The following PRKD1 variants were observed in gnomAD, a reference collection of about 807,000 sequenced individuals.
PRKD1 encodes the protein protein kinase D1.
In PRKD1, 63 loss-of-function variants were observed where a neutral mutation model predicts 95.9. That is an observed-to-expected ratio of 0.66 (90% confidence interval 0.54 to 0.81). PRKD1 has a LOEUF of 0.81. Among genes scored for constraint, PRKD1 ranks in the 30% least tolerant of loss-of-function variants. PRKD1 has a pLI of 0.00. For synonymous variants in PRKD1, 425 were observed against 423.1 expected (o/e 1.00, Z -0.05); for missense variants, 1,048 against 1,165.3 (o/e 0.90, Z 1.47).
intron 2 of PRKD1, among the ~76,000 whole-genome samples, chr14:29,703,419 G>T (rs1458108690): frequency 6.6e-6 from 1 of 152,122 alleles, no homozygotes; most frequent in Non-Finnish European, 1.5e-5. Context: ...ATACTCCACT[G>T]GGTTTTGGGA....
intron 13 of PRKD1, among the ~76,000 whole-genome samples, chr14:29,622,535 C>CG (rs555705230): frequency 1.3e-3 from 201 of 151,712 alleles, no homozygotes; most frequent in African/African-American, 4.6e-3. Context: ...TCAGAGTAGC[C>CG]GGGACTACAG....
At position 29,621,081 on chromosome 14, in the gene PRKD1, AT is replaced by A. The variant is rs1013641049; in HGVS notation, c.1905+3070del. Among the ~76,000 whole-genome samples, 4 of 121,790 alleles carry A rather than the reference AT, an allele frequency of 3.3e-5. No homozygotes were observed. In the Admixed American group the frequency reaches 3.3e-4, roughly 10 times the overall value. The allele number at this position is 121,790 out of a possible 152,430, so 79.9% of individuals were successfully genotyped here. ...TGGAAATCATCATTCTCAGTAAACT[AT>A]CGCAAGGACAAAAAAAAACAAACAC... On this transcript the variant is annotated intron_variant, in intron 13 of 17. Transcript: ENST00000331968.
intron 1 of PRKD1, among the ~76,000 whole-genome samples, chr14:29,866,505 A>C (rs1238896739): frequency 1.3e-5 from 2 of 152,214 alleles, no homozygotes; most frequent in African/African-American, 4.8e-5. Flanking sequence ...TACACACTCA[A>C]GGTGTTTAAG....
rs191512140 is a variant in PRKD1, at chr14:29,783,998, T to C, written c.265-58324A>G. ...AAGCTTTTTAGTTTGTCTACTTTTG[T>C]TTTTGTTGGCTGTGCTTTTGCAACC... On this transcript the variant is annotated intron_variant, in intron 1 of 17. Coordinates refer to ENST00000331968, the MANE Select transcript of PRKD1 (RefSeq NM_002742.3). Among the ~76,000 whole-genome samples the C allele has an allele frequency of 3.9e-5, 6 of 152,050 alleles. No individual in the cohort carries two copies. The East Asian group carries it at 9.6e-4, about 24-fold the overall frequency.
At chr14:29,713,767 T>C (rs1885453209) in intron 2 of PRKD1, among the ~76,000 whole-genome samples, 1 of 152,160 alleles carries the variant, frequency 6.6e-6, no homozygotes, top group Non-Finnish European at 1.5e-5. Context: ...TAAGATGATT[T>C]TACAAAAGCC....
At chr14:29,606,438 G>A (rs932337310) in intron 13 of PRKD1, among the ~76,000 whole-genome samples, 2 of 152,118 alleles carry the variant, frequency 1.3e-5, no homozygotes, top group Non-Finnish European at 2.9e-5. Context: ...CACTTTTTAG[G>A]TACAACCCCC....
chr14:29,892,691 T>G (rs745819672), intron 1 of PRKD1, among the ~76,000 whole-genome samples: 23 of 152,172 alleles, frequency 1.5e-4, no homozygotes, highest in Admixed American at 3.3e-4. Context: ...TTAGACATAG[T>G]ACCTTCAGAA....
intron 2 of PRKD1, among the ~76,000 whole-genome samples, chr14:29,708,602 G>A (rs567824462): frequency 2.7e-4 from 41 of 152,302 alleles, no homozygotes; most frequent in South Asian, 1.9e-3. Flanking sequence ...GCTCACGCCT[G>A]TAATCCCTGC....
chr14:29,635,512 C>T (rs188563124), intron 7 of PRKD1, among the ~76,000 whole-genome samples: 2 of 152,282 alleles, frequency 1.3e-5, no homozygotes, highest in African/African-American at 4.8e-5. Context: ...TATTGCTCTA[C>T]TCTCATGAAC....
At chr14:29,637,111 A>G (rs933602582) in intron 6 of PRKD1, among the ~76,000 whole-genome samples, 1 of 152,212 alleles carries the variant, frequency 6.6e-6, no homozygotes, top group African/African-American at 2.4e-5. Flanking sequence ...AGGCAAAGTG[A>G]TACCAGGCCC....
At chr14:29,577,540 A>AC (rs1892600285) in intron 17 of PRKD1, 84 bp from the exon 18 acceptor site, 2 of 1,311,278 alleles carry the variant, frequency 1.5e-6, no homozygotes, top group Non-Finnish European at 2.2e-6. Flanking sequence ...TCTGCAATCT[A>AC]TGAGTTACCC....
intron 1 of PRKD1, among the ~76,000 whole-genome samples, chr14:29,850,378 T>C (rs1483112652): frequency 6.8e-6 from 1 of 148,020 alleles, no homozygotes; most frequent in African/African-American, 2.5e-5. Flanking sequence ...AAAATCAATA[T>C]ACAAAAATCA....
rs372286571 is a variant in PRKD1, at chr14:29,889,141, T to C, written c.264+38108A>G. Among the ~76,000 whole-genome samples the C allele has an allele frequency of 4.6e-5, 7 of 152,318 alleles. No individual in the cohort carries two copies. In the East Asian group the frequency reaches 9.7e-4, roughly 21 times the overall value. On this transcript the variant is annotated intron_variant, in intron 1 of 17. Coordinates refer to ENST00000331968, the MANE Select transcript of PRKD1 (RefSeq NM_002742.3). ...TCAAATGGGCTATCTGATAGGTATT[T>C]GGATATAAGCGTCTAAAGTTCAAGA...
intron 2 of PRKD1, among the ~76,000 whole-genome samples, chr14:29,679,742 T>G (rs1883428501): frequency 2.0e-5 from 3 of 151,232 alleles, no homozygotes; most frequent in Admixed American, 1.3e-4. Context: ...TTTTTTTTTT[T>G]TCTGATCTGG....
chr14:29,888,139 T>G (rs1893800078), intron 1 of PRKD1, among the ~76,000 whole-genome samples: 2 of 151,852 alleles, frequency 1.3e-5, no homozygotes, highest in African/African-American at 4.8e-5. Context: ...CATCCCTACT[T>G]TAAAAAATAA....
intron 1 of PRKD1, among the ~76,000 whole-genome samples, chr14:29,859,677 A>C (rs2139356242): frequency 6.6e-6 from 1 of 152,242 alleles, no homozygotes; most frequent in African/African-American, 2.4e-5. Context: ...CATGTAGATA[A>C]ATAAGTAAAA....
chr14:29,901,575 T>A (rs1003473101), intron 1 of PRKD1, among the ~76,000 whole-genome samples: 2 of 152,054 alleles, frequency 1.3e-5, no homozygotes, highest in Admixed American at 1.3e-4. Flanking sequence ...TTATAAAAAA[T>A]AAAAATAAAA....
chr14:29,771,291 C>A (rs1888497551), intron 1 of PRKD1, among the ~76,000 whole-genome samples: 1 of 152,068 alleles, frequency 6.6e-6, no homozygotes, highest in African/African-American at 2.4e-5. Flanking sequence ...CACTGGGCTG[C>A]CCCTCTCATC....
intron 1 of PRKD1, among the ~76,000 whole-genome samples, chr14:29,797,679 C>T (rs567951434): frequency 3.3e-5 from 5 of 152,156 alleles, no homozygotes; most frequent in Non-Finnish European, 7.4e-5. Context: ...AACCTCGAAG[C>T]ACCTGCACTG....
Sources: allele counts gnomAD v4.1 joint callset (sites outside exome capture counted in the v4.1 genomes callset), GRCh38; gene constraint gnomAD v4.1.1; transcripts MANE v1.5; gene names NCBI Gene and HGNC (gene_info 2026-07-23, HGNC 2026-07-21).